RAP1GAP2: variants seen among roughly 807,000 people sequenced by gnomAD.
RAP1GAP2 encodes RAP1 GTPase activating protein 2, also known as rap1 GTPase-activating protein 2.
A neutral mutation model predicts 95.0 loss-of-function variants in RAP1GAP2; 27 were observed. The observed-to-expected ratio is 0.28, with a 90% CI of 0.21 to 0.39. The LOEUF is 0.39. RAP1GAP2 is among the 10% of genes least tolerant of loss of function. The pLI, the probability that RAP1GAP2 is intolerant of heterozygous loss-of-function variation, is 1.00. For synonymous variants in RAP1GAP2, 373 were observed against 380.9 expected, an observed-to-expected ratio of 0.98 and a Z score of 0.24; for missense variants, 771 against 970.0, an observed-to-expected ratio of 0.79 and a Z score of 2.72.
chr17:2,853,849 C>T (rs1036910522), intron 2 of RAP1GAP2: 2 of 902,258 alleles, frequency 2.2e-6, no homozygotes, highest in Non-Finnish European at 2.6e-6. Context: ...GTCACCTGAC[C>T]CCCGGGGCGC....
In RAP1GAP2 at chr17:3,005,242, G is replaced by A; in HGVS notation, c.1201-127G>A. ...GCCTGTGCTGGCGATGCTCACAGGA[G>A]TATTTTGTTTGTGTTCTGGGAAGAG... is the stretch of plus-strand genomic sequence containing the variant. On this transcript the variant is annotated intron_variant, in intron 14 of 24. Transcript: ENST00000254695. The surrounding 1 kb of genome is among the most constrained non-coding windows in gnomAD (Gnocchi z 5.2). 9 of 957,142 alleles carry A rather than the reference G, an allele frequency of 9.4e-6. No homozygotes were observed. The highest frequency in any genetic ancestry group is 1.2e-5 in the Non-Finnish European group (7 of 587,090). 59.3% of individuals were successfully genotyped at this position (957,142 alleles called of 1,614,324 possible).
Position 2,935,922 on chromosome 17 carries a change from C to T in RAP1GAP2, c.166-21837C>T, listed in dbSNP as rs183535025. 6.2e-4 allele frequency among the ~76,000 whole-genome samples: 95 copies of T among 152,038 alleles called. 1 individual carries two copies. Among genetic ancestry groups the T allele is most frequent in the African/African-American group, 1.9e-3 (78 of 41,456 alleles). ...GCCGATCTGGCGGGTTTGCTCCAGC[C>T]GGGGTATTTTATAAATGAATGATCA... On this transcript the variant is annotated intron_variant, in intron 3 of 24. Transcript: ENST00000254695.
chr17:2,994,208 A>G (rs968912938), intron 12 of RAP1GAP2, among the ~76,000 whole-genome samples: 7 of 152,202 alleles, frequency 4.6e-5, no homozygotes, highest in African/African-American at 9.6e-5. Context: ...AAGCAGGTCT[A>G]GAACCCGGAG....
In RAP1GAP2 at chr17:2,870,824, T is replaced by C. The variant is rs1188920071; in HGVS notation, c.81-34460T>C. ...TCAGAAACAGCTGGATCCAGGGGCA[T>C]TGGCAGAACTCCTCTCTGTCTCGTC... On this transcript the variant is annotated intron_variant, in intron 2 of 24. Coordinates refer to ENST00000254695, the MANE Select transcript of RAP1GAP2 (RefSeq NM_015085.5). This position sits in a 1 kb window ranked among gnomAD's most constrained non-coding sequence, Gnocchi z 4.4. Among the ~76,000 whole-genome samples, 1 of 152,206 alleles carries C rather than the reference T, an allele frequency of 6.6e-6. No individual in the cohort carries two copies. Among genetic ancestry groups the C allele is most frequent in the African/African-American group, 2.4e-5 (1 of 41,458 alleles).
In RAP1GAP2 at chr17:2,870,048, T is replaced by G. The variant is rs1308283331; in HGVS notation, c.81-35236T>G. 6.6e-6 allele frequency among the ~76,000 whole-genome samples: 1 copy of G among 151,558 alleles called. No individual in the cohort carries two copies. Among genetic ancestry groups the G allele is most frequent in the Non-Finnish European group, 1.5e-5 (1 of 67,966 alleles). On this transcript the variant is annotated intron_variant, in intron 2 of 24. Coordinates refer to ENST00000254695, the MANE Select transcript of RAP1GAP2 (RefSeq NM_015085.5). This position sits in a 1 kb window ranked among gnomAD's most constrained non-coding sequence, Gnocchi z 4.4. ...AGAGCAGGCCTCAGGGGTGGGAATC[T>G]GTATGGCCCCTGACCCCGGCATGGC...
chr17:3,018,150 CG>C lies in RAP1GAP2; in HGVS notation c.1589del (p.Gly530AlafsTer23). ...HSGGIPGSLS[G>X]GISHNSMEVT... ...GTGGGGGCATCCCTGGCAGCCTCAG[CG>C]GGGGCATCTCCCACAACAGCATGGA... On this transcript the variant is annotated frameshift_variant, in exon 18 of 25. Coordinates refer to ENST00000254695, the MANE Select transcript of RAP1GAP2 (RefSeq NM_015085.5). LOFTEE classifies it high-confidence loss of function. 1 of 1,580,064 alleles carries C rather than the reference CG, an allele frequency of 6.3e-7. No homozygotes were observed. The highest frequency in any genetic ancestry group is 8.6e-7 in the Non-Finnish European group (1 of 1,163,714).
In RAP1GAP2 at chr17:2,801,330, CTG is replaced by C. The variant is rs1215260289; in HGVS notation, c.80+781_80+782del. The stretch of plus-strand genomic sequence containing the variant: ...TCTCTACTAAAAATACAAAAATTAG[CTG>C]AGCGTGATGGCACTTGCCTGTAATC... On this transcript the variant is annotated intron_variant, in intron 2 of 24. Coordinates refer to ENST00000254695, the MANE Select transcript of RAP1GAP2 (RefSeq NM_015085.5). Among the ~76,000 whole-genome samples, 61 of 151,476 alleles carry C rather than the reference CTG, an allele frequency of 4.0e-4. 1 individual carries two copies. Among genetic ancestry groups the C allele is most frequent in the East Asian group, 3.4e-3 (17 of 5,040 alleles).
At chr17:2,928,837 G>C (rs1045787983) in intron 3 of RAP1GAP2, among the ~76,000 whole-genome samples, 2 of 152,092 alleles carry the variant, frequency 1.3e-5, no homozygotes, top group African/African-American at 4.8e-5. Flanking sequence ...GGGGGTGCCT[G>C]TTATAGCCTC....
chr17:2,905,100 C>T (rs2042156411), intron 2 of RAP1GAP2, among the ~76,000 whole-genome samples, 184 bp from the exon 3 acceptor site: 1 of 152,212 alleles, frequency 6.6e-6, no homozygotes, highest in Non-Finnish European at 1.5e-5. Context: ...TCAGGCTGGT[C>T]TTGAACTCCT....
intron 4 of RAP1GAP2, among the ~76,000 whole-genome samples, chr17:2,961,322 C>G (rs564354181): frequency 6.6e-6 from 1 of 152,194 alleles, no homozygotes. Context: ...CGAGACCAGC[C>G]TGGCCAACAT....
intron 2 of RAP1GAP2, among the ~76,000 whole-genome samples, chr17:2,771,505 T>G (rs2068396856): frequency 6.6e-6 from 1 of 150,714 alleles, no homozygotes; most frequent in Admixed American, 6.6e-5. Flanking sequence ...TTTTGTTTTT[T>G]TTTTTTAGAT....
chr17:2,776,759 T>G (rs2068510105), upstream of RAP1GAP2, among the ~76,000 whole-genome samples: 2 of 149,044 alleles, frequency 1.3e-5, no homozygotes, highest in African/African-American at 4.9e-5. Flanking sequence ...CGCGGCTTTG[T>G]GCGCTGGGGC....
rs959378939 is a variant in RAP1GAP2 at position 3,005,384 on chromosome 17, C to T, written c.1216C>T (p.Arg406Trp). 1.2e-5 allele frequency: 19 copies of T among 1,613,780 alleles called. No individual in the cohort carries two copies. Among genetic ancestry groups the T allele is most frequent in the East Asian group, 2.2e-5 (1 of 44,876 alleles). ...TTTCACTCAGGTCTCTGTCACTGCG[C>T]GGGAAGATGTGCCCACCTTTGGTCC... ...TPSYKVSVTA[R>W]EDVPTFGPPL... The change falls in exon 15 of 25, where the codon CGG becomes TGG. Residue 406 changes from arginine to tryptophan, a missense_variant. Physicochemically the swap from Arg to Trp is moderately radical, Grantham distance 101 (BLOSUM62 -3). Coordinates refer to ENST00000254695, the MANE Select transcript of RAP1GAP2 (RefSeq NM_015085.5). This position sits in a 1 kb window ranked among gnomAD's most constrained non-coding sequence, Gnocchi z 5.2.
Position 2,770,527 on chromosome 17 carries a change from G to A in RAP1GAP2, c.167+82G>A, listed in dbSNP as rs1416279230. The A allele has an allele frequency of 1.3e-5, 5 of 397,906 alleles. No individual in the cohort carries two copies. In the South Asian group the frequency reaches 3.9e-4, roughly 31 times the overall value. The allele number at this position is 397,906 out of a possible 1,614,324, so 24.6% of individuals were successfully genotyped here. ...AGCTGGTACTTAGGAAGTGAGCTCC[G>A]CACTGGTCCACAAATCCACCATGGG... On this transcript the variant is annotated intron_variant, in intron 2 of 25. Coordinates refer to the RAP1GAP2 transcript ENST00000637138.
chr17:2,972,357 C>T (rs1029666251), intron 8 of RAP1GAP2, among the ~76,000 whole-genome samples: 1 of 65,268 alleles, frequency 1.5e-5, no homozygotes, highest in African/African-American at 4.5e-5. Context: ...GGGCTGGGCA[C>T]GGTGGCTCAC....
At position 2,845,813 on chromosome 17, in the gene RAP1GAP2, G is replaced by T. The variant is rs149748749; in HGVS notation, c.80+45263G>T. 3.2e-3 allele frequency among the ~76,000 whole-genome samples: 486 copies of T among 151,644 alleles called. 1 individual carries two copies. The highest frequency in any genetic ancestry group is 0.011 in the African/African-American group (463 of 41,352). On this transcript the variant is annotated intron_variant, in intron 2 of 24. Coordinates refer to ENST00000254695, the MANE Select transcript of RAP1GAP2 (RefSeq NM_015085.5). Reference sequence around the variant, plus strand: ...TAGGCGAAGGTTTTGGTGAGCCGAGGTCGCACCACTACACTCTAACCTGGG... The same window carrying T: ...TAGGCGAAGGTTTTGGTGAGCCGAGTTCGCACCACTACACTCTAACCTGGG...
chr17:2,810,403 CACA>C (rs1239759056), intron 2 of RAP1GAP2, among the ~76,000 whole-genome samples: 1 of 151,030 alleles, frequency 6.6e-6, no homozygotes, highest in Non-Finnish European at 1.5e-5. Context: ...GGTACATGTG[CACA>C]ACATGCAGGT....
At chr17:2,854,177 C>T (rs1175649458) in intron 2 of RAP1GAP2, 3 of 978,498 alleles carry the variant, frequency 3.1e-6, no homozygotes, top group African/African-American at 3.5e-5. Flanking sequence ...TGGACTTTTC[C>T]GATGGGTGTT....
chr17:2,759,202 A>G (rs533164479), intron 1 of RAP1GAP2, among the ~76,000 whole-genome samples: 14 of 152,262 alleles, frequency 9.2e-5, no homozygotes, highest in Non-Finnish European at 1.6e-4. Context: ...GAACATTTTG[A>G]TATTACAAGC....
Sources: gnomAD v4.1 joint callset for allele counts (sites outside exome capture counted in the v4.1 genomes callset) on GRCh38, gnomAD v4.1.1 for gene constraint, Gnocchi (gnomAD v3.1) non-coding constraint, MANE v1.5 for transcripts, NCBI Gene and HGNC (gene_info 2026-07-23, HGNC 2026-07-21) for gene names.